Variants in TMEM117 observed in about 807,000 individuals in gnomAD.
The protein encoded by TMEM117 is transmembrane protein 117.
A neutral mutation model predicts 52.4 loss-of-function variants in TMEM117; 27 were observed. That is an observed-to-expected ratio of 0.51 (90% CI 0.38 to 0.71). The LOEUF (loss-of-function observed/expected upper bound fraction) is 0.71. TMEM117 is among the 30% of genes least tolerant of loss of function. TMEM117 has a pLI of 0.00. For synonymous variants in TMEM117, 215 were observed against 206.3 expected (o/e 1.04, Z -0.36); for missense variants, 556 against 630.5 (o/e 0.88, Z 1.26).
chr12:44,319,414 G>A (rs1283344758), intron 6 of TMEM117, among the ~76,000 whole-genome samples: 1 of 152,096 alleles, frequency 6.6e-6, no homozygotes, highest in East Asian at 1.9e-4. Context: ...ACAGAGGGAG[G>A]CTCTCTGCCC....
At chr12:44,375,013 A>T (rs886502018) in intron 6 of TMEM117, among the ~76,000 whole-genome samples, 1 of 152,042 alleles carries the variant, frequency 6.6e-6, no homozygotes, top group Admixed American at 6.6e-5. Context: ...AATGTCTATT[A>T]TTATTATCAT....
At chr12:44,172,849 C>G (rs189850367) in intron 4 of TMEM117, among the ~76,000 whole-genome samples, 1 of 152,008 alleles carries the variant, frequency 6.6e-6, no homozygotes, top group African/African-American at 2.4e-5. Flanking sequence ...CTCAGCCTCC[C>G]GAGTAGCTAG....
chr12:44,064,947 T>C (rs1383814749), intron 3 of TMEM117, among the ~76,000 whole-genome samples: 2 of 152,214 alleles, frequency 1.3e-5, no homozygotes, highest in Non-Finnish European at 2.9e-5. Context: ...AGGTTTTATT[T>C]GCTTGACTAT....
intron 3 of TMEM117, among the ~76,000 whole-genome samples, chr12:44,041,660 C>T (rs1428142424): frequency 6.6e-6 from 1 of 152,058 alleles, no homozygotes; most frequent in Non-Finnish European, 1.5e-5. Context: ...CTGACAGAGA[C>T]ACAGTGAAAA....
At chr12:44,180,040 G>T (rs766618192) in intron 4 of TMEM117, among the ~76,000 whole-genome samples, 1 of 152,034 alleles carries the variant, frequency 6.6e-6, no homozygotes, top group South Asian at 2.1e-4. Flanking sequence ...ACACCACCTA[G>T]AAGTGAAATA....
At position 43,953,880 on chromosome 12, in the gene TMEM117, T is replaced by G. The variant is rs544195257; in HGVS notation, c.410+9538T>G. Among the ~76,000 whole-genome samples, 6 of 152,216 alleles carry G rather than the reference T, an allele frequency of 3.9e-5. No homozygotes were observed. The East Asian group carries it at 7.7e-4, about 20-fold the overall frequency. On this transcript the variant is annotated intron_variant, in intron 3 of 7. Coordinates refer to ENST00000266534, the MANE Select transcript of TMEM117 (RefSeq NM_032256.3). ...TGTTTTAGCACCACATGGCACTTAC[T>G]CTAAAATTGATCAAATAACTGGAAG...
At chr12:44,197,368 A>C (rs151216106) in intron 4 of TMEM117, among the ~76,000 whole-genome samples, 10 of 152,302 alleles carry the variant, frequency 6.6e-5, no homozygotes, top group Non-Finnish European at 1.0e-4. Context: ...AGTAATGATC[A>C]GTTATCCATG....
intron 3 of TMEM117, among the ~76,000 whole-genome samples, chr12:44,014,738 C>T (rs1185749100): frequency 1.3e-5 from 2 of 152,024 alleles, no homozygotes; most frequent in East Asian, 1.9e-4. Flanking sequence ...TATTTTTTCC[C>T]CTTGGTGTTG....
chr12:44,279,417 C>T (rs1304368674), intron 5 of TMEM117, among the ~76,000 whole-genome samples: 1 of 152,136 alleles, frequency 6.6e-6, no homozygotes, highest in Non-Finnish European at 1.5e-5. Flanking sequence ...AAGAGAGACC[C>T]TGGGAGCAGA....
chr12:44,166,523 T>A (rs1948970000), intron 4 of TMEM117, among the ~76,000 whole-genome samples: 1 of 152,206 alleles, frequency 6.6e-6, no homozygotes, highest in South Asian at 2.1e-4. Flanking sequence ...GGAGAGTCAG[T>A]ATAAAAATTA....
intron 6 of TMEM117, among the ~76,000 whole-genome samples, chr12:44,308,004 AT>A (rs367671603): frequency 1.3e-5 from 2 of 152,340 alleles, no homozygotes; most frequent in African/African-American, 4.8e-5. Flanking sequence ...CTGATAGTAA[AT>A]TCTGTGAGGG....
chr12:44,006,268 CAG>C (rs1209351572), intron 3 of TMEM117, among the ~76,000 whole-genome samples: 1 of 152,194 alleles, frequency 6.6e-6, no homozygotes, highest in African/African-American at 2.4e-5. Context: ...TCTGTGTAGA[CAG>C]AGTCGGCAAG....
At position 44,211,341 on chromosome 12, in the gene TMEM117, G is replaced by A. The variant is rs747700107; in HGVS notation, c.562G>A (p.Ala188Thr). ...DKPYPDWGKSARAFWKKGNVR... is the reference protein window; with the variant it reads ...DKPYPDWGKSTRAFWKKGNVR... Reference sequence around the variant, plus strand: ...ACCCTATCCTGACTGGGGAAAATCAGCAAGAGCTTTCTGGAAGAAAGGAAA... The same window carrying A: ...ACCCTATCCTGACTGGGGAAAATCAACAAGAGCTTTCTGGAAGAAAGGAAA... Residue 188 changes from alanine (A) to threonine (T), a missense_variant, in exon 5 of 8, where the codon GCA becomes ACA. Physicochemically the swap from Ala to Thr is moderately conservative, Grantham distance 58 (BLOSUM62 0). This residue lies in a region of TMEM117 where 328 missense variants were observed against 371.4 expected (regional missense o/e 0.88). Transcript: ENST00000266534. 8 of 1,611,910 alleles carry A rather than the reference G, an allele frequency of 5.0e-6. No homozygotes were observed. The highest frequency in any genetic ancestry group is 6.8e-6 in the Non-Finnish European group (8 of 1,179,118).
At chr12:43,864,287 C>T (rs1214036434) in intron 2 of TMEM117, among the ~76,000 whole-genome samples, 2 of 152,260 alleles carry the variant, frequency 1.3e-5, no homozygotes, top group African/African-American at 4.8e-5. Context: ...AGTGCAGGCA[C>T]ACTGCGCAGG....
intron 2 of TMEM117, among the ~76,000 whole-genome samples, chr12:43,863,474 G>A (rs1187994871): frequency 1.3e-5 from 2 of 152,016 alleles, no homozygotes; most frequent in East Asian, 1.9e-4. Context: ...AGACTATTAC[G>A]CATGGGGCAT....
chr12:44,081,774 G>A (rs1565819910), intron 3 of TMEM117, among the ~76,000 whole-genome samples: 2 of 152,142 alleles, frequency 1.3e-5, no homozygotes, highest in East Asian at 3.9e-4. Flanking sequence ...ATCTCATCAA[G>A]CAAGTTATTT....
intron 6 of TMEM117, among the ~76,000 whole-genome samples, chr12:44,307,512 G>A (rs139235804): frequency 2.6e-5 from 4 of 152,290 alleles, no homozygotes; most frequent in Non-Finnish European, 2.9e-5. Flanking sequence ...AAGTGGTGAC[G>A]TGGAATAAAG....
intron 3 of TMEM117, among the ~76,000 whole-genome samples, chr12:44,059,968 A>G (rs1288327881): frequency 6.6e-6 from 1 of 152,260 alleles, no homozygotes; most frequent in Non-Finnish European, 1.5e-5. Flanking sequence ...TGATTCTGCT[A>G]TAACGAAGTT....
upstream of TMEM117, among the ~76,000 whole-genome samples, chr12:43,833,184 A>G (rs1942992332): frequency 6.6e-6 from 1 of 152,238 alleles, no homozygotes; most frequent in Non-Finnish European, 1.5e-5. Flanking sequence ...GCTTATTCTT[A>G]AAATTATTAT....
Sources: allele counts gnomAD v4.1 joint callset (sites outside exome capture counted in the v4.1 genomes callset), GRCh38; gene constraint gnomAD v4.1.1; regional missense constraint gnomAD v4.1.1; transcripts MANE v1.5; gene names NCBI Gene and HGNC (gene_info 2026-07-23, HGNC 2026-07-21).